SCN11A: variants seen among roughly 807,000 people sequenced by gnomAD.
SCN11A encodes the protein sodium voltage-gated channel alpha subunit 11.
SCN11A carries 122 observed loss-of-function variants against 162.2 expected under a neutral mutation model. That is an observed-to-expected ratio of 0.75 (90% confidence interval 0.65 to 0.87). The LOEUF (loss-of-function observed/expected upper bound fraction) is 0.87, where lower values mean the gene tolerates loss of function less well. Among genes scored for constraint, SCN11A ranks in the 40% least tolerant of loss-of-function variants. The probability of loss-of-function intolerance (pLI) is 0.00; values close to 1 mark genes in which losing one functional copy is unlikely to be tolerated. For synonymous variants in SCN11A, 758 were observed against 751.5 expected (o/e 1.01, Z -0.14); for missense variants, 2,015 against 2,181.6 (o/e 0.92, Z 1.52).
At chr3:38,945,624 T>A (rs2066505438) in intron 6 of SCN11A, 112 bp from the exon 7 acceptor site, 1 of 602,176 alleles carries the variant, frequency 1.7e-6, no homozygotes, top group African/African-American at 1.9e-5. Context: ...GCATCTATCT[T>A]CTGACTGTGA....
At position 38,985,102 on chromosome 3, in the gene SCN11A, A is replaced by T. The variant is rs1021752905; in HGVS notation, c.-279-24679T>A. ...AGAGGATGACATATTCGGATTTTTT[A>T]AAAAAATGTCTTTCTGGCTGGCTGT... On this transcript the variant is annotated intron_variant, in intron 2 of 29. Transcript: ENST00000302328. 1.4e-4 allele frequency among the ~76,000 whole-genome samples: 21 copies of T among 149,634 alleles called. 1 individual carries two copies. The highest frequency in any genetic ancestry group is 3.9e-4 in the East Asian group (2 of 5,114).
chr3:38,894,513 C>T lies in SCN11A; in HGVS notation c.2835+20G>A, dbSNP rs375101526. The T allele has an allele frequency of 1.3e-6, 2 of 1,569,954 alleles. No individual in the cohort carries two copies. Among genetic ancestry groups the T allele is most frequent in the African/African-American group, 1.4e-5 (1 of 73,966 alleles). The stretch of plus-strand genomic sequence containing the variant: ...CTCCAGCTTTGTATGACCTTTAAGT[C>T]TATGTGTGAACCTTCATACCTGTTG... On this transcript the variant is annotated intron_variant, in intron 19 of 29. Transcript: ENST00000302328.
chr3:38,976,166 G>A (rs1262540537), intron 2 of SCN11A, among the ~76,000 whole-genome samples: 1 of 151,962 alleles, frequency 6.6e-6, no homozygotes, highest in Non-Finnish European at 1.5e-5. Context: ...TTTCATATTG[G>A]ATTTAAAATA....
At position 38,846,991 on chromosome 3, in the gene SCN11A, T is replaced by C; in HGVS notation, c.5079A>G (p.Val1693=). Residue 1693 remains valine, a synonymous_variant, in exon 30 of 30, where the codon GTA becomes GTG. Coordinates refer to ENST00000302328, the MANE Select transcript of SCN11A (RefSeq NM_001349253.2). ...MDILFAFTAR[V]LGGSDGLDSM... is the part of the protein sequence containing the mutation. Reference sequence around the variant, plus strand: ...TATCTAGGCCATCAGAGCCACCGAGTACCCTAGCGGTGAAGGCGAAAAGAA... The same window carrying C: ...TATCTAGGCCATCAGAGCCACCGAGCACCCTAGCGGTGAAGGCGAAAAGAA... The C allele has an allele frequency of 6.2e-7, 1 of 1,614,124 alleles. No homozygotes were observed. Among genetic ancestry groups the C allele is most frequent in the Non-Finnish European group, 8.5e-7 (1 of 1,180,018 alleles).
At chr3:39,031,887 A>G (rs1018536547) in intron 2 of SCN11A, among the ~76,000 whole-genome samples, 2 of 152,202 alleles carry the variant, frequency 1.3e-5, no homozygotes, top group African/African-American at 4.8e-5. Context: ...AAACCCTGCT[A>G]AGTCAGAATT....
intron 24 of SCN11A, 98 bp from the exon 25 acceptor site, chr3:38,871,806 C>G: frequency 3.0e-6 from 3 of 997,172 alleles, no homozygotes; most frequent in South Asian, 1.7e-5. Flanking sequence ...GGCTTGATCT[C>G]TTGGAGCTCT....
chr3:38,892,613 T>G (rs1291310538), intron 19 of SCN11A, among the ~76,000 whole-genome samples: 1 of 152,136 alleles, frequency 6.6e-6, no homozygotes, highest in East Asian at 1.9e-4. Context: ...ACTTATTTTC[T>G]TTTATTTTCT....
intron 14 of SCN11A, among the ~76,000 whole-genome samples, chr3:38,907,009 C>G (rs2065803256): frequency 6.6e-6 from 1 of 151,806 alleles, no homozygotes; most frequent in Non-Finnish European, 1.5e-5. Flanking sequence ...GGCTTTTGCA[C>G]ATTCTATTCT....
intron 2 of SCN11A, among the ~76,000 whole-genome samples, chr3:39,006,518 T>C (rs2030977254): frequency 6.6e-6 from 1 of 151,054 alleles, no homozygotes; most frequent in Non-Finnish European, 1.5e-5. Context: ...TTATGAAAGA[T>C]GGAGACAAAC....
chr3:38,904,032 A>C lies in SCN11A; in HGVS notation c.1675T>G (p.Cys559Gly). 1 of 1,609,158 alleles carries C rather than the reference A, an allele frequency of 6.2e-7. No homozygotes were observed. Among genetic ancestry groups the C allele is most frequent in the Non-Finnish European group, 8.5e-7 (1 of 1,178,816 alleles). Reference sequence around the variant, plus strand: ...TTAACGCACAGCCACTGGGGGCAACAGTTCCACACGAGGTACTTGGATGCC... The same window carrying C: ...TTAACGCACAGCCACTGGGGGCAACCGTTCCACACGAGGTACTTGGATGCC... ...NLASKYLVWNCCPQWLCVKKV... is the reference protein window; with the variant it reads ...NLASKYLVWNGCPQWLCVKKV... Residue 559 changes from cysteine (C) to glycine (G), a missense_variant, in exon 16 of 30, where the codon TGT (cysteine) becomes GGT (glycine). Physicochemically the swap from Cys to Gly is radical, Grantham distance 159. Coordinates refer to ENST00000302328, the MANE Select transcript of SCN11A (RefSeq NM_001349253.2).
chr3:38,951,665 A>C (rs2066620032), intron 4 of SCN11A, among the ~76,000 whole-genome samples: 3 of 152,222 alleles, frequency 2.0e-5, no homozygotes. Flanking sequence ...AGGGATTGTA[A>C]ATACACCAAT....
chr3:39,001,296 C>A (rs908164683), intron 2 of SCN11A, among the ~76,000 whole-genome samples: 2 of 152,212 alleles, frequency 1.3e-5, no homozygotes, highest in Admixed American at 6.5e-5. Context: ...TCTCTCCAGT[C>A]CCCAGCCCTT....
In SCN11A at chr3:38,927,550, C is replaced by T. The variant is rs191529436; in HGVS notation, c.489-619G>A. ...TGTGAGGTCTCACACTTCCTGATATCGAAATTTATTACAAAGCTACAGTAA... is the reference window on the plus strand; with the variant it reads ...TGTGAGGTCTCACACTTCCTGATATTGAAATTTATTACAAAGCTACAGTAA... On this transcript the variant is annotated intron_variant, in intron 7 of 29. Coordinates refer to ENST00000302328, the MANE Select transcript of SCN11A (RefSeq NM_001349253.2). Among the ~76,000 whole-genome samples the T allele has an allele frequency of 1.6e-4, 25 of 152,034 alleles. No individual in the cohort carries two copies. In the South Asian group the frequency reaches 2.9e-3, roughly 18 times the overall value.
At chr3:38,949,958 G>A (rs551723058) in intron 5 of SCN11A, 138 bp downstream of exon 5, 15 of 624,374 alleles carry the variant, frequency 2.4e-5, no homozygotes, top group Non-Finnish European at 3.9e-5. Flanking sequence ...GGCAATGCCA[G>A]GGGATGACAG....
At chr3:39,025,520 A>G (rs185912798) in intron 2 of SCN11A, among the ~76,000 whole-genome samples, 157 of 152,210 alleles carry the variant, frequency 1.0e-3, no homozygotes, top group African/African-American at 3.5e-3. Context: ...AAATTCCTGG[A>G]ACTAAGGGTT....
rs2065559632 is a variant in SCN11A at position 38,894,648 on chromosome 3, AGGGTCTTTGG to A, written c.2710_2719del (p.Pro904TrpfsTer70). On this transcript the variant is annotated frameshift_variant, in exon 19 of 30. Coordinates refer to ENST00000302328, the MANE Select transcript of SCN11A (RefSeq NM_001349253.2). LOFTEE classifies it high-confidence loss of function. Reference sequence around the variant, plus strand: ...CCAAGTCCAATCATGCCTGACGCCCAGGGTCTTTGGTACAGAGGTTAGTATACCAAGCTCC... The same window carrying A: ...CCAAGTCCAATCATGCCTGACGCCCATACAGAGGTTAGTATACCAAGCTCC... The A allele has an allele frequency of 6.2e-7, 1 of 1,614,176 alleles. No homozygotes were observed. Among genetic ancestry groups the A allele is most frequent in the Non-Finnish European group, 8.5e-7 (1 of 1,180,008 alleles).
In SCN11A at chr3:39,032,487, C is replaced by G. The variant is rs1048380427; in HGVS notation, c.-387G>C. Among the ~76,000 whole-genome samples, 1 of 151,908 alleles carries G rather than the reference C, an allele frequency of 6.6e-6. No individual in the cohort carries two copies. Among genetic ancestry groups the G allele is most frequent in the Non-Finnish European group, 1.5e-5 (1 of 67,982 alleles). ...GATTGAACATGGAGCCAAAAACATG[C>G]GAAGCACTGGGACAATCTGAAAACA... is the stretch of plus-strand genomic sequence containing the variant. On this transcript the variant is annotated 5_prime_UTR_variant, in exon 2 of 30. Coordinates refer to ENST00000302328, the MANE Select transcript of SCN11A (RefSeq NM_001349253.2).
At chr3:39,043,175 G>A (rs187065139) in intron 1 of SCN11A, among the ~76,000 whole-genome samples, 1 of 152,156 alleles carries the variant, frequency 6.6e-6, no homozygotes, top group African/African-American at 2.4e-5. Context: ...AACAAATGTT[G>A]GCGAGGATGT....
chr3:38,927,677 G>A (rs1271991858), intron 7 of SCN11A, among the ~76,000 whole-genome samples: 1 of 152,196 alleles, frequency 6.6e-6, no homozygotes, highest in Non-Finnish European at 1.5e-5. Flanking sequence ...TGGTGGAAGG[G>A]GAAGCAAACA....
Sources: allele counts gnomAD v4.1 joint callset (sites outside exome capture counted in the v4.1 genomes callset), GRCh38; gene constraint gnomAD v4.1.1; transcripts MANE v1.5; gene names NCBI Gene and HGNC (gene_info 2026-07-23, HGNC 2026-07-21).